UNC5C: variants seen among roughly 807,000 people sequenced by gnomAD.
UNC5C encodes the protein netrin receptor UNC5C.
Under a neutral mutation model 99.8 loss-of-function variants are expected in UNC5C, and 47 were observed. The ratio of observed to expected loss-of-function variants is 0.47; its 90% CI spans 0.37 to 0.60. UNC5C has a LOEUF of 0.60. Ranked by LOEUF, UNC5C falls within the 20% of genes least tolerant of loss-of-function variation. The pLI is 0.00. For missense variants in UNC5C, 1,062 were observed against 1,165.9 expected (o/e 0.91, Z 1.30); for synonymous variants, 487 against 452.2 (o/e 1.08, Z -0.98).
At chr4:95,310,346 G>C (rs1457271962) in intron 2 of UNC5C, among the ~76,000 whole-genome samples, 1 of 151,980 alleles carries the variant, frequency 6.6e-6, no homozygotes, top group Admixed American at 6.6e-5. Flanking sequence ...AGTTAGACAG[G>C]GAGAGTAAGT....
intron 12 of UNC5C, among the ~76,000 whole-genome samples, chr4:95,201,417 T>C (rs1201637043): frequency 6.6e-6 from 1 of 152,144 alleles, no homozygotes; most frequent in African/African-American, 2.4e-5. Flanking sequence ...TGACTCACCT[T>C]TTCACTGAAG....
chr4:95,236,825 G>A (rs913433914), intron 7 of UNC5C, among the ~76,000 whole-genome samples: 1 of 152,056 alleles, frequency 6.6e-6, no homozygotes, highest in African/African-American at 2.4e-5. Flanking sequence ...AGTACTATGT[G>A]TTACTTAACC....
chr4:95,179,242 C>CT (rs1736502994), intron 14 of UNC5C, among the ~76,000 whole-genome samples: 1 of 152,098 alleles, frequency 6.6e-6, no homozygotes. Flanking sequence ...TAGATTTTCC[C>CT]AATGGTCATT....
At chr4:95,445,788 A>G (rs1247237627) in intron 1 of UNC5C, among the ~76,000 whole-genome samples, 1 of 151,994 alleles carries the variant, frequency 6.6e-6, no homozygotes, top group Non-Finnish European at 1.5e-5. Context: ...ATCAAGACAC[A>G]TTTTTGAAGA....
intron 1 of UNC5C, among the ~76,000 whole-genome samples, chr4:95,478,962 T>G (rs1162781585): frequency 1.3e-5 from 2 of 151,876 alleles, no homozygotes; most frequent in African/African-American, 4.8e-5. Flanking sequence ...CTATTCCCCC[T>G]CTCATCATGT....
chr4:95,451,412 A>G (rs1747275833), intron 1 of UNC5C, among the ~76,000 whole-genome samples: 1 of 152,204 alleles, frequency 6.6e-6, no homozygotes, highest in African/African-American at 2.4e-5. Context: ...AACCTCACCA[A>G]GTTTATCCCT....
chr4:95,181,272 T>C (rs1736600619), intron 14 of UNC5C, among the ~76,000 whole-genome samples: 1 of 152,228 alleles, frequency 6.6e-6, no homozygotes, highest in African/African-American at 2.4e-5. Flanking sequence ...TAATCTTTCC[T>C]CTGTGTTGCC....
At chr4:95,506,900 T>C (rs922041368) in intron 1 of UNC5C, among the ~76,000 whole-genome samples, 3 of 149,854 alleles carry the variant, frequency 2.0e-5, no homozygotes, top group African/African-American at 7.6e-5. Flanking sequence ...GTTATTTATA[T>C]TAATAAATGT....
At chr4:95,262,578 T>C (rs1313951905) in intron 4 of UNC5C, among the ~76,000 whole-genome samples, 1 of 152,168 alleles carries the variant, frequency 6.6e-6, no homozygotes, top group African/African-American at 2.4e-5. Flanking sequence ...AATTCAGTCT[T>C]TATGCCAAGT....
Position 95,245,072 on chromosome 4 carries a change from C to A in UNC5C, c.848G>T (p.Arg283Leu). The A allele has an allele frequency of 3.1e-6, 5 of 1,614,126 alleles. No homozygotes were observed. The highest frequency in any genetic ancestry group is 4.2e-6 in the Non-Finnish European group (5 of 1,180,032). The change falls in exon 6 of 16, where the codon CGT (arginine) becomes CTT (leucine). Residue 283 changes from arginine (R) to leucine (L), a missense_variant. Physicochemically the swap from Arg to Leu is moderately radical, Grantham distance 102. Around this residue, in one of 3 missense-constraint regions of UNC5C, gnomAD observed 810 missense variants for 854.5 expected, o/e 0.95. Transcript: ENST00000453304. ...TGCCGGGTTGGTACAAGTCCTTGTA[C>A]GTTTCTGATACCCTCGTCCACAGCG... ...NSRCGRGYQK[R>L]TRTCTNPAPL...
chr4:95,529,749 A>C (rs975434861), intron 1 of UNC5C, among the ~76,000 whole-genome samples: 1 of 152,080 alleles, frequency 6.6e-6, no homozygotes, highest in South Asian at 2.1e-4. Flanking sequence ...GTAATAATAA[A>C]TTAATTTAAA....
intron 4 of UNC5C, among the ~76,000 whole-genome samples, chr4:95,261,915 G>C (rs1740250676): frequency 6.6e-6 from 1 of 152,130 alleles, no homozygotes; most frequent in Non-Finnish European, 1.5e-5. Context: ...GTGTTAGCCA[G>C]GATGGTCTCG....
intron 7 of UNC5C, chr4:95,222,099 G>A (rs1738490464): frequency 3.1e-6 from 2 of 650,832 alleles, no homozygotes; most frequent in African/African-American, 1.9e-5. Flanking sequence ...GAATATATTA[G>A]GCTCCTATTT....
At chr4:95,335,750 C>T in intron 1 of UNC5C, 119 bp from the exon 2 acceptor site, 1 of 749,834 alleles carries the variant, frequency 1.3e-6, no homozygotes, top group Non-Finnish European at 2.2e-6. Flanking sequence ...TGAATGCCTG[C>T]TGTGTGCCAG....
chr4:95,202,228 G>T (rs561115747), intron 12 of UNC5C, among the ~76,000 whole-genome samples: 1 of 152,198 alleles, frequency 6.6e-6, no homozygotes, highest in African/African-American at 2.4e-5. Flanking sequence ...CTTCGAATGG[G>T]ATAAAATGAA....
At chr4:95,235,888 C>A (rs1233664113) in intron 7 of UNC5C, among the ~76,000 whole-genome samples, 1 of 152,158 alleles carries the variant, frequency 6.6e-6, no homozygotes, top group African/African-American at 2.4e-5. Flanking sequence ...AATGAGATAT[C>A]ATCTCACACC....
chr4:95,393,642 A>G (rs1312756526), intron 1 of UNC5C, among the ~76,000 whole-genome samples: 1 of 152,172 alleles, frequency 6.6e-6, no homozygotes, highest in Non-Finnish European at 1.5e-5. Flanking sequence ...TGGTCCAATT[A>G]TCCATCTTGA....
chr4:95,307,843 C>T (rs552901654), intron 2 of UNC5C, among the ~76,000 whole-genome samples: 1 of 152,226 alleles, frequency 6.6e-6, no homozygotes, highest in South Asian at 2.1e-4. Flanking sequence ...TGTAATACAT[C>T]ACATCAACAA....
chr4:95,348,619 G>A (rs914422144), intron 1 of UNC5C, among the ~76,000 whole-genome samples: 13 of 148,692 alleles, frequency 8.7e-5, no homozygotes, highest in Admixed American at 6.7e-4. Context: ...TTTAATGACT[G>A]TATAGTACTC....
Sources: gnomAD v4.1 joint callset for allele counts (sites outside exome capture counted in the v4.1 genomes callset) on GRCh38, gnomAD v4.1.1 for gene constraint, gnomAD v4.1.1 regional missense constraint, MANE v1.5 for transcripts, NCBI Gene and HGNC (gene_info 2026-07-23, HGNC 2026-07-21) for gene names.